The following GLTP variants were observed in gnomAD, a reference collection of about 807,000 sequenced individuals.
The protein encoded by GLTP is glycolipid transfer protein.
Under a neutral mutation model 24.0 loss-of-function variants are expected in GLTP, and 22 were observed. That is an observed-to-expected ratio of 0.92 (90% CI 0.65 to 1.31). The LOEUF is 1.31. GLTP is among the 50% of genes most tolerant of loss of function. The probability of loss-of-function intolerance (pLI) is 0.00; values close to 1 mark genes in which losing one functional copy is unlikely to be tolerated. For missense variants in GLTP, 224 were observed against 276.6 expected (o/e 0.81, Z 1.35); for synonymous variants, 92 against 115.9 (o/e 0.79, Z 1.33).
At chr12:109,869,633 T>G (rs557409067) in intron 1 of GLTP, among the ~76,000 whole-genome samples, 103 of 150,598 alleles carry the variant, frequency 6.8e-4, no homozygotes, top group African/African-American at 1.5e-3. Context: ...TTTTTTTTTT[T>G]TTGTTTTTTT....
At position 109,852,740 on chromosome 12, in the gene GLTP, T is replaced by C. The variant is rs1565896275; in HGVS notation, c.448-3A>G. ...TAGGGTGCTGCGTACAGTGCTGCCTTGAGACAGGCAAGAAGGGAGGTAGGC... is the reference window on the plus strand; with the variant it reads ...TAGGGTGCTGCGTACAGTGCTGCCTCGAGACAGGCAAGAAGGGAGGTAGGC... On this transcript the variant is annotated splice_region_variant and splice_polypyrimidine_tract_variant and intron_variant, in intron 4 of 4. Transcript: ENST00000318348. The C allele has an allele frequency of 6.2e-7, 1 of 1,605,694 alleles. No homozygotes were observed. Among genetic ancestry groups the C allele is most frequent in the Admixed American group, 1.7e-5 (1 of 59,712 alleles).
At chr12:109,859,026 A>G (rs1029427950) in intron 1 of GLTP, among the ~76,000 whole-genome samples, 1 of 152,176 alleles carries the variant, frequency 6.6e-6, no homozygotes, top group Non-Finnish European at 1.5e-5. Flanking sequence ...CATTTGATTC[A>G]TCTCTAGAAT....
intron 1 of GLTP, among the ~76,000 whole-genome samples, chr12:109,872,652 G>T (rs148269956): frequency 2.6e-5 from 4 of 152,314 alleles, no homozygotes; most frequent in African/African-American, 9.6e-5. Context: ...GGCTAAAAAA[G>T]CCTCACTTAC....
rs529145353 is a variant in GLTP, at chr12:109,856,268, G to A, written c.297-499C>T. Among the ~76,000 whole-genome samples, 8 of 152,334 alleles carry A rather than the reference G, an allele frequency of 5.3e-5. No individual in the cohort carries two copies. The South Asian group carries it at 8.3e-4, about 16-fold the overall frequency. On this transcript the variant is annotated intron_variant, in intron 3 of 4. Coordinates refer to ENST00000318348, the MANE Select transcript of GLTP (RefSeq NM_016433.4). Reference sequence around the variant, plus strand: ...TCTAAGTCTGCTACGGTGCTCCTCTGCCTGAGACCTCCCTGAGCATCCTCC... The same window carrying A: ...TCTAAGTCTGCTACGGTGCTCCTCTACCTGAGACCTCCCTGAGCATCCTCC...
chr12:109,867,558 G>A (rs913181878), intron 1 of GLTP, among the ~76,000 whole-genome samples: 1 of 152,176 alleles, frequency 6.6e-6, no homozygotes, highest in Non-Finnish European at 1.5e-5. Context: ...GGACAATTCT[G>A]ACTAGACAAG....
intron 1 of GLTP, among the ~76,000 whole-genome samples, chr12:109,874,164 T>G (rs553880567): frequency 6.6e-6 from 1 of 152,332 alleles, no homozygotes; most frequent in Admixed American, 6.5e-5. Context: ...TCCAGAGGAC[T>G]GAGTTCTAGT....
rs373152075 is a variant in GLTP at position 109,852,534 on chromosome 12, C to T, written c.*21G>A. 11 of 1,534,090 alleles carry T rather than the reference C, an allele frequency of 7.2e-6. No homozygotes were observed. In the African/African-American group the frequency reaches 9.5e-5, roughly 13 times the overall value. On this transcript the variant is annotated 3_prime_UTR_variant, in exon 5 of 5. Transcript: ENST00000318348. ...TCTCCATGTGGCCACGAGTCGGGGA[C>T]GTGTCCAGCAGTGGGCATGCCTACA...
intron 1 of GLTP, among the ~76,000 whole-genome samples, chr12:109,871,190 C>A (rs1159657083): frequency 6.7e-6 from 1 of 148,584 alleles, no homozygotes; most frequent in African/African-American, 2.5e-5. Flanking sequence ...TCAAGCGATT[C>A]TCCTGCCTCA....
chr12:109,861,857 T>C (rs979290975), intron 1 of GLTP, among the ~76,000 whole-genome samples: 2 of 152,230 alleles, frequency 1.3e-5, no homozygotes, highest in Non-Finnish European at 2.9e-5. Context: ...TAGGGTCATG[T>C]GCTGTGACCC....
rs547717422 is a variant in GLTP, at chr12:109,867,997, G to A, written c.104-9256C>T. Among the ~76,000 whole-genome samples, 41 of 152,166 alleles carry A rather than the reference G, an allele frequency of 2.7e-4. 2 individuals carry two copies. The highest frequency in any genetic ancestry group is 1.2e-3 in the South Asian group (6 of 4,820). On this transcript the variant is annotated intron_variant, in intron 1 of 4. Coordinates refer to ENST00000318348, the MANE Select transcript of GLTP (RefSeq NM_016433.4). ...TTTCACCGTGTTAGCCAGGATGGTC[G>A]CGATCTCCTGACCTCGTGATCCACC...
chr12:109,857,809 A>G lies in GLTP; in HGVS notation c.163-150T>C. On this transcript the variant is annotated intron_variant, in intron 2 of 4. Coordinates refer to ENST00000318348, the MANE Select transcript of GLTP (RefSeq NM_016433.4). This position sits in a 1 kb window ranked among gnomAD's most constrained non-coding sequence, Gnocchi z 4.3. ...GATAAGACTTGTAACAATAACTATGACTGTTCACATGAGCCAGGATTTGCA... is the reference window on the plus strand; with the variant it reads ...GATAAGACTTGTAACAATAACTATGGCTGTTCACATGAGCCAGGATTTGCA... 2.6e-6 allele frequency: 2 copies of G among 770,058 alleles called. No homozygotes were observed. The highest frequency in any genetic ancestry group is 1.6e-5 in the South Asian group (1 of 61,856). The allele number at this position is 770,058 out of a possible 1,614,324, so 47.7% of individuals were successfully genotyped here.
intron 4 of GLTP, 148 bp from the exon 5 acceptor site, chr12:109,852,885 GGGAGGT>G: frequency 1.6e-6 from 1 of 609,020 alleles, no homozygotes; most frequent in Non-Finnish European, 2.9e-6. Context: ...GAAAGGAAAA[GGGAGGT>G]GTATTTTGAG....
chr12:109,870,260 G>A (rs925997329), intron 1 of GLTP, among the ~76,000 whole-genome samples: 5 of 152,150 alleles, frequency 3.3e-5, no homozygotes, highest in Admixed American at 2.6e-4. Flanking sequence ...GAGGTCAGGA[G>A]TTCAAGACCA....
At chr12:109,876,815 C>T (rs954939936) in intron 1 of GLTP, among the ~76,000 whole-genome samples, 1 of 152,130 alleles carries the variant, frequency 6.6e-6, no homozygotes, top group African/African-American at 2.4e-5. Context: ...CTCTGTCAAC[C>T]AGTAATGAGC....
At chr12:109,870,234 A>G (rs1868675763) in intron 1 of GLTP, among the ~76,000 whole-genome samples, 1 of 152,146 alleles carries the variant, frequency 6.6e-6, no homozygotes, top group African/African-American at 2.4e-5. Context: ...GGGAGGCTGT[A>G]GCGGACAAAT....
rs1892733072 is a variant in GLTP, at chr12:109,852,143, C to T, written c.*412G>A. The T allele has an allele frequency of 1.3e-5, 2 of 154,918 alleles. No individual in the cohort carries two copies. The highest frequency in any genetic ancestry group is 4.8e-5 in the African/African-American group (2 of 41,482). The allele number at this position is 154,918 out of a possible 1,614,324, so 9.6% of individuals were successfully genotyped here. A position where few individuals can be genotyped will look rare whatever the true frequency, so the allele number is the denominator to read the frequency against. Reference sequence around the variant, plus strand: ...GGATTACAGGCGTGAGCCACGGTGCCCAGCCATCATGTGCTTATTTTTAAA... The same window carrying T: ...GGATTACAGGCGTGAGCCACGGTGCTCAGCCATCATGTGCTTATTTTTAAA... On this transcript the variant is annotated 3_prime_UTR_variant, in exon 5 of 5. Transcript: ENST00000318348.
chr12:109,854,363 C>T (rs1282240700), intron 4 of GLTP, among the ~76,000 whole-genome samples: 1 of 72,980 alleles, frequency 1.4e-5, no homozygotes, highest in Non-Finnish European at 2.4e-5. Context: ...GAGACCCTGT[C>T]TCAAAAAAAA....
At chr12:109,858,552 C>T in intron 2 of GLTP, 131 bp downstream of exon 2, 1 of 721,076 alleles carries the variant, frequency 1.4e-6, no homozygotes, top group Non-Finnish European at 2.5e-6. Flanking sequence ...AAGCTTGGGG[C>T]CCATCTTCCA....
chr12:109,856,895 A>G (rs1467433906), intron 3 of GLTP, among the ~76,000 whole-genome samples: 3 of 152,152 alleles, frequency 2.0e-5, no homozygotes, highest in African/African-American at 7.2e-5. Context: ...TTAGCCAGGC[A>G]TGGTGGTGCA....
Sources: allele counts gnomAD v4.1 joint callset (sites outside exome capture counted in the v4.1 genomes callset), GRCh38; gene constraint gnomAD v4.1.1; non-coding constraint Gnocchi (gnomAD v3.1); transcripts MANE v1.5; gene names NCBI Gene and HGNC (gene_info 2026-07-23, HGNC 2026-07-21).